Variants in IRAK2 observed in about 807,000 individuals in gnomAD.
IRAK2 encodes interleukin 1 receptor associated kinase 2.
Under a neutral mutation model 72.0 loss-of-function variants are expected in IRAK2, and 57 were observed. The observed-to-expected ratio is 0.79, with a 90% CI of 0.64 to 0.99. The LOEUF is 0.99. IRAK2 is among the 50% of genes least tolerant of loss of function. The pLI, the probability that IRAK2 is intolerant of heterozygous loss-of-function variation, is 0.00. For synonymous variants in IRAK2, 293 were observed against 312.7 expected (o/e 0.94, Z 0.67); for missense variants, 790 against 794.4 (o/e 0.99, Z 0.07).
Position 10,238,644 on chromosome 3 carries a change from T to C in IRAK2, c.1474-104T>C, listed in dbSNP as rs892721619. On this transcript the variant is annotated intron_variant, in intron 11 of 12. Coordinates refer to ENST00000256458, the MANE Select transcript of IRAK2 (RefSeq NM_001570.4). Reference sequence around the variant, plus strand: ...TCAGACAAAACAACCAGCATTAGGTTCTTCAGTCTGCTCCCCGCCCCCTCT... The same window carrying C: ...TCAGACAAAACAACCAGCATTAGGTCCTTCAGTCTGCTCCCCGCCCCCTCT... The C allele has an allele frequency of 1.3e-5, 14 of 1,105,304 alleles. No individual in the cohort carries two copies. The South Asian group carries it at 1.9e-4, about 15-fold the overall frequency. 68.5% of individuals were successfully genotyped at this position (1,105,304 alleles called of 1,614,324 possible). A position where few individuals can be genotyped will look rare whatever the true frequency, so the allele number is the denominator to read the frequency against.
At chr3:10,177,492 C>T (rs927418537) in intron 1 of IRAK2, among the ~76,000 whole-genome samples, 5 of 152,146 alleles carry the variant, frequency 3.3e-5, no homozygotes, top group Admixed American at 1.3e-4. Flanking sequence ...CCTGCCTACA[C>T]GGACCTTCCA....
At chr3:10,198,443 G>A (rs1559445130) in intron 2 of IRAK2, among the ~76,000 whole-genome samples, 1 of 152,198 alleles carries the variant, frequency 6.6e-6, no homozygotes. Flanking sequence ...TGGCAGTGAT[G>A]GCAGTGGTGT....
chr3:10,219,268 AG>A (rs2125158520), intron 7 of IRAK2, among the ~76,000 whole-genome samples: 1 of 152,230 alleles, frequency 6.6e-6, no homozygotes, highest in East Asian at 1.9e-4. Context: ...GAAGGGTGGG[AG>A]GAGGATCAGG....
intron 9 of IRAK2, 147 bp downstream of exon 9, chr3:10,222,978 C>T: frequency 1.5e-6 from 1 of 684,056 alleles, no homozygotes; most frequent in Non-Finnish European, 2.5e-6. Context: ...CCACAGGCCA[C>T]TTTGGCCTGT....
chr3:10,227,888 C>G (rs1415241476), intron 10 of IRAK2, among the ~76,000 whole-genome samples: 1 of 150,510 alleles, frequency 6.6e-6, no homozygotes, highest in African/African-American at 2.5e-5. Flanking sequence ...CCAGGATGGT[C>G]TCAATCTCCT....
intron 2 of IRAK2, among the ~76,000 whole-genome samples, chr3:10,195,069 C>T (rs911369413): frequency 3.3e-5 from 5 of 152,186 alleles, no homozygotes; most frequent in African/African-American, 1.2e-4. Flanking sequence ...CACCGCATGT[C>T]ACTGCAGAAG....
At chr3:10,221,164 G>A (rs1261448559) in intron 8 of IRAK2, among the ~76,000 whole-genome samples, 11 of 150,930 alleles carry the variant, frequency 7.3e-5, no homozygotes, top group Admixed American at 6.0e-4. Context: ...TGGCCAAGGC[G>A]GGCAGATCAC....
At chr3:10,210,152 G>A (rs192030671) in intron 4 of IRAK2, among the ~76,000 whole-genome samples, 36 of 152,182 alleles carry the variant, frequency 2.4e-4, no homozygotes, top group African/African-American at 7.7e-4. Context: ...AACTCCTGAC[G>A]TCAGGTGATC....
intron 9 of IRAK2, among the ~76,000 whole-genome samples, chr3:10,224,294 G>A (rs886512547): frequency 1.3e-5 from 2 of 149,146 alleles, no homozygotes; most frequent in East Asian, 2.0e-4. Context: ...CCGAGATCGC[G>A]CCATTGCACT....
At chr3:10,204,086 T>A (rs559994743) in intron 3 of IRAK2, among the ~76,000 whole-genome samples, 23 of 152,244 alleles carry the variant, frequency 1.5e-4, no homozygotes, top group Non-Finnish European at 2.9e-4. Flanking sequence ...AGAATCTGTT[T>A]ACTTACTCTA....
chr3:10,191,503 C>G (rs562795652), intron 2 of IRAK2, among the ~76,000 whole-genome samples: 30 of 152,340 alleles, frequency 2.0e-4, no homozygotes, highest in African/African-American at 7.0e-4. Context: ...TCTTCAACCT[C>G]ACCTCTACCA....
chr3:10,204,058 G>A (rs1697402071), intron 3 of IRAK2, among the ~76,000 whole-genome samples: 2 of 152,204 alleles, frequency 1.3e-5, no homozygotes, highest in South Asian at 4.1e-4. Context: ...TGTAGGAGAG[G>A]CCACTGGGCT....
intron 9 of IRAK2, among the ~76,000 whole-genome samples, chr3:10,224,941 T>A (rs1209628861): frequency 3.3e-5 from 5 of 151,030 alleles, no homozygotes; most frequent in Non-Finnish European, 7.4e-5. Context: ...CTCAGTGACC[T>A]CTATAAAGGA....
chr3:10,179,768 C>T (rs1696934221), intron 2 of IRAK2, among the ~76,000 whole-genome samples: 1 of 152,016 alleles, frequency 6.6e-6, no homozygotes, highest in South Asian at 2.1e-4. Context: ...CAGGGTTTCA[C>T]TATGTTGACC....
intron 2 of IRAK2, among the ~76,000 whole-genome samples, chr3:10,188,184 C>T (rs529091917): frequency 1.3e-5 from 2 of 152,244 alleles, no homozygotes; most frequent in East Asian, 3.9e-4. Flanking sequence ...GGTGCTGAGC[C>T]TGTAGATGGT....
chr3:10,240,836 G>C (rs1333248618), intron 12 of IRAK2, among the ~76,000 whole-genome samples: 1 of 151,532 alleles, frequency 6.6e-6, no homozygotes, highest in Admixed American at 6.6e-5. Context: ...TAGGATTATA[G>C]GTATGAGCCA....
rs754306308 is a variant in IRAK2 at position 10,234,599 on chromosome 3, C to G, written c.1413C>G (p.Ala471=). The change falls in exon 11 of 13, where the codon GCC becomes GCG. Residue 471 remains alanine, a synonymous_variant. Transcript: ENST00000256458. The part of the protein sequence containing the change: ...KGAGRLPEDC[A]EALATAACLC... ...CAGGGAGGCTTCCGGAGGACTGCGC[C>G]GAGGCCCTGGCCACGGCTGCCTGCC... The G allele has an allele frequency of 1.9e-6, 3 of 1,613,440 alleles. No homozygotes were observed. The highest frequency in any genetic ancestry group is 1.7e-6 in the Non-Finnish European group (2 of 1,179,944).
Position 10,211,106 on chromosome 3 carries a change from G to A in IRAK2, c.528+1414G>A, listed in dbSNP as rs529152745. On this transcript the variant is annotated intron_variant, in intron 4 of 12. Coordinates refer to ENST00000256458, the MANE Select transcript of IRAK2 (RefSeq NM_001570.4). ...TTGAACTCCTGGCCTCATGTGATCC[G>A]CCCACCTCAGCATCCCAAAGTGCTG... Among the ~76,000 whole-genome samples the A allele has an allele frequency of 6.6e-5, 10 of 151,948 alleles. No individual in the cohort carries two copies. In the East Asian group the frequency reaches 1.4e-3, roughly 21 times the overall value.
At chr3:10,186,518 C>G (rs1697077389) in intron 2 of IRAK2, among the ~76,000 whole-genome samples, 1 of 151,664 alleles carries the variant, frequency 6.6e-6, no homozygotes, top group African/African-American at 2.4e-5. Flanking sequence ...TGGAGCTTCC[C>G]TTGAAGCCAC....
Sources: allele counts gnomAD v4.1 joint callset (sites outside exome capture counted in the v4.1 genomes callset), GRCh38; gene constraint gnomAD v4.1.1; transcripts MANE v1.5; gene names NCBI Gene and HGNC (gene_info 2026-07-23, HGNC 2026-07-21).